Variants in TFDP2 observed in about 807,000 individuals in gnomAD.
The protein encoded by TFDP2 is transcription factor Dp-2.
In TFDP2, 17 loss-of-function variants were observed where a neutral mutation model predicts 59.3. That is an observed-to-expected ratio of 0.29 (90% CI 0.20 to 0.43). The LOEUF is 0.43. TFDP2 is among the 20% of genes least tolerant of loss of function. The pLI is 1.00. For missense variants in TFDP2, 391 were observed against 528.8 expected (o/e 0.74, Z 2.56); for synonymous variants, 180 against 194.7 (o/e 0.92, Z 0.63).
chr3:141,956,087 C>T (rs1365661354), intron 11 of TFDP2, among the ~76,000 whole-genome samples: 2 of 152,094 alleles, frequency 1.3e-5, no homozygotes, highest in African/African-American at 2.4e-5. Flanking sequence ...GGATCACAGG[C>T]GTAAGCCACC....
intron 1 of TFDP2, among the ~76,000 whole-genome samples, chr3:142,112,947 G>A (rs1017729412): frequency 2.0e-5 from 3 of 152,144 alleles, no homozygotes; most frequent in Non-Finnish European, 4.4e-5. Flanking sequence ...AAGACTGAGG[G>A]CAAAAACTTA....
chr3:141,971,552 CAA>C (rs1370289492), intron 8 of TFDP2, among the ~76,000 whole-genome samples: 2 of 134,650 alleles, frequency 1.5e-5, no homozygotes, highest in Admixed American at 7.5e-5. Flanking sequence ...TCCAACTCAA[CAA>C]AAAAAAAAAG....
intron 11 of TFDP2, among the ~76,000 whole-genome samples, chr3:141,959,239 A>G (rs1028023103): frequency 6.6e-6 from 1 of 151,978 alleles, no homozygotes; most frequent in African/African-American, 2.4e-5. Context: ...TACAGGTGTG[A>G]GCTGCAGCGC....
At chr3:142,042,439 G>A (rs755541722) in intron 3 of TFDP2, among the ~76,000 whole-genome samples, 3 of 151,790 alleles carry the variant, frequency 2.0e-5, no homozygotes, top group African/African-American at 2.4e-5. Flanking sequence ...CTGTAGACAT[G>A]TGCCACCACG....
intron 1 of TFDP2, among the ~76,000 whole-genome samples, chr3:142,140,889 A>G (rs11719151): frequency 0.083 from 12,654 of 152,262 alleles, 655 homozygotes; most frequent in Middle Eastern, 0.14. Context: ...CTCAAACACC[A>G]TGCTGGGAGA....
intron 6 of TFDP2, among the ~76,000 whole-genome samples, chr3:141,988,313 C>T (rs1942364010): frequency 6.6e-6 from 1 of 152,168 alleles, no homozygotes; most frequent in African/African-American, 2.4e-5. Flanking sequence ...TGCCACTTAC[C>T]ATAATGAGTA....
intron 1 of TFDP2, among the ~76,000 whole-genome samples, chr3:142,115,469 C>T (rs1386404667): frequency 6.6e-6 from 1 of 152,128 alleles, no homozygotes; most frequent in African/African-American, 2.4e-5. Flanking sequence ...CAGGCGCCCA[C>T]GACTGCACCT....
At chr3:142,119,542 CA>C (rs779986665) in intron 1 of TFDP2, among the ~76,000 whole-genome samples, 1 of 152,086 alleles carries the variant, frequency 6.6e-6, no homozygotes. Flanking sequence ...GCAATTCCTA[CA>C]AAAATTAAAT....
At chr3:142,054,145 T>G (rs1426911269) in intron 3 of TFDP2, 1 of 152,188 alleles carries the variant, frequency 6.6e-6, no homozygotes, top group Admixed American at 6.5e-5. Context: ...CTTCTAGGTA[T>G]TTACCTTAGA....
chr3:142,076,234 GAA>G (rs1367517887), intron 3 of TFDP2, among the ~76,000 whole-genome samples: 1 of 150,052 alleles, frequency 6.7e-6, no homozygotes, highest in Non-Finnish European at 1.5e-5. Context: ...AAAGAAAAAA[GAA>G]AAAAGTTTTA....
intron 7 of TFDP2, among the ~76,000 whole-genome samples, chr3:141,975,275 A>C (rs1232861339): frequency 6.6e-6 from 1 of 152,122 alleles, no homozygotes; most frequent in East Asian, 1.9e-4. Flanking sequence ...ACATTGTGGA[A>C]CAAGGTCCTC....
Position 141,952,921 on chromosome 3 carries a change from G to A in TFDP2, c.1147C>T (p.Pro383Ser). The A allele has an allele frequency of 6.2e-7, 1 of 1,613,834 alleles. No homozygotes were observed. Among genetic ancestry groups the A allele is most frequent in the Non-Finnish European group, 8.5e-7 (1 of 1,179,734 alleles). ...GAAAAAAATACGTACCTTGACTGGGGTAAGGTGGCACCAGTGGTCAGGTCT... is the reference window on the plus strand; with the variant it reads ...GAAAAAAATACGTACCTTGACTGGGATAAGGTGGCACCAGTGGTCAGGTCT... ...NLDLTTGATL[P>S]QSSVNQGLCL... Residue 383 changes from proline to serine, a missense_variant, in exon 12 of 13, where the codon CCC becomes TCC. Coordinates refer to ENST00000489671, the MANE Select transcript of TFDP2 (RefSeq NM_001178139.2).
intron 3 of TFDP2, among the ~76,000 whole-genome samples, chr3:142,083,605 A>C (rs1018739027): frequency 1.3e-5 from 2 of 152,174 alleles, no homozygotes; most frequent in Non-Finnish European, 2.9e-5. Context: ...TTCAAATTAC[A>C]CTACAGAGCT....
intron 3 of TFDP2, among the ~76,000 whole-genome samples, chr3:142,014,891 A>G (rs529987288): frequency 1.3e-5 from 2 of 152,246 alleles, no homozygotes; most frequent in South Asian, 4.1e-4. Flanking sequence ...CAGCAAAACT[A>G]CTCACAAAAT....
rs1269299469 is a variant in TFDP2, at chr3:142,125,450, C to T, written c.-92-23609G>A. Among the ~76,000 whole-genome samples the T allele has an allele frequency of 2.6e-5, 4 of 152,084 alleles. No individual in the cohort carries two copies. In the East Asian group the frequency reaches 5.8e-4, roughly 22 times the overall value. ...CAACACAAATAGAAATTTATACATC[C>T]TTCTATGAGCTTTTTCTAGAGTCAT... is the stretch of plus-strand genomic sequence containing the variant. On this transcript the variant is annotated intron_variant, in intron 1 of 12. Transcript: ENST00000489671.
At chr3:142,074,241 T>A (rs1235288945) in intron 3 of TFDP2, among the ~76,000 whole-genome samples, 1 of 151,338 alleles carries the variant, frequency 6.6e-6, no homozygotes, top group Non-Finnish European at 1.5e-5. Flanking sequence ...AAACCCTGTC[T>A]CTACTGAAAA....
chr3:142,090,831 G>C (rs1011785386), intron 3 of TFDP2: 1 of 152,244 alleles, frequency 6.6e-6, no homozygotes, highest in Non-Finnish European at 1.5e-5. Context: ...AAAGTGCTGG[G>C]ATTACAGGTG....
intron 3 of TFDP2, chr3:142,043,476 G>T: frequency 2.3e-6 from 1 of 426,602 alleles, no homozygotes; most frequent in Non-Finnish European, 4.3e-6. Context: ...CGATTCTCCT[G>T]CCTCAGCCTC....
intron 3 of TFDP2, among the ~76,000 whole-genome samples, chr3:142,018,857 G>A (rs1280004865): frequency 2.0e-5 from 3 of 150,308 alleles, no homozygotes; most frequent in Non-Finnish European, 4.4e-5. Flanking sequence ...GCTGAACACT[G>A]AGCATCTTTT....
Sources: allele counts gnomAD v4.1 joint callset (sites outside exome capture counted in the v4.1 genomes callset), GRCh38; gene constraint gnomAD v4.1.1; transcripts MANE v1.5; gene names NCBI Gene and HGNC (gene_info 2026-07-23, HGNC 2026-07-21).